The following DDX60L variants were observed in gnomAD, a reference collection of about 807,000 sequenced individuals.
DDX60L encodes the protein probable ATP-dependent RNA helicase DDX60-like.
Under a neutral mutation model 211.6 loss-of-function variants are expected in DDX60L, and 191 were observed. That is an observed-to-expected ratio of 0.90 (90% CI 0.80 to 1.02). DDX60L has a LOEUF of 1.02. Among genes scored for constraint, DDX60L ranks in the 50% least tolerant of loss-of-function variants. The probability of loss-of-function intolerance (pLI) is 0.00; values close to 1 mark genes in which losing one functional copy is unlikely to be tolerated. For missense variants in DDX60L, 2,007 were observed against 1,984.1 expected, an observed-to-expected ratio of 1.01 and a Z score of -0.22; for synonymous variants, 706 against 694.1, an observed-to-expected ratio of 1.02 and a Z score of -0.27.
chr4:168,379,993 C>T (rs1161138809), intron 30 of DDX60L, 163 bp from the exon 31 acceptor site: 1 of 503,580 alleles, frequency 2.0e-6, no homozygotes, highest in Non-Finnish European at 3.5e-6. Context: ...TGTATCTTCA[C>T]ATGGCACATG....
intron 20 of DDX60L, among the ~76,000 whole-genome samples, chr4:168,416,172 T>C (rs1404995699): frequency 2.0e-5 from 3 of 152,180 alleles, no homozygotes; most frequent in Non-Finnish European, 2.9e-5. Flanking sequence ...TTGACGTTCA[T>C]ATAATGCTTT....
chr4:168,478,114 A>C (rs1759855821), intron 1 of DDX60L, among the ~76,000 whole-genome samples: 1 of 151,974 alleles, frequency 6.6e-6, no homozygotes, highest in South Asian at 2.1e-4. Context: ...GGAAAAGAGG[A>C]GAAGAAGGAA....
rs1013354039 is a variant in DDX60L, at chr4:168,359,205, C to T, written c.4992-929G>A. ...GCAGAGTTTCAGTTTTTTACTAGTC[C>T]TCAGTGGCTGAATATTAGGAATGAT... On this transcript the variant is annotated intron_variant, in intron 37 of 37. Coordinates refer to ENST00000682922, the MANE Select transcript of DDX60L (RefSeq NM_001012967.3). 4.6e-5 allele frequency among the ~76,000 whole-genome samples: 7 copies of T among 152,270 alleles called. No individual in the cohort carries two copies. The East Asian group carries it at 1.4e-3, about 29-fold the overall frequency.
At chr4:168,358,524 C>CTTTTT (rs70961514) in intron 37 of DDX60L, among the ~76,000 whole-genome samples, 17 of 108,306 alleles carry the variant, frequency 1.6e-4, no homozygotes, top group East Asian at 2.9e-4. Flanking sequence ...TTTTCTTTTT[C>CTTTTT]TTTTTTTTTT....
chr4:168,418,121 G>A (rs1462084776), intron 19 of DDX60L, among the ~76,000 whole-genome samples: 2 of 152,188 alleles, frequency 1.3e-5, no homozygotes, highest in Non-Finnish European at 2.9e-5. Context: ...AGGCTGAAGT[G>A]CAGTGGTGTG....
At chr4:168,440,206 T>C (rs760589822) in intron 10 of DDX60L, among the ~76,000 whole-genome samples, 20 of 152,054 alleles carry the variant, frequency 1.3e-4, no homozygotes, top group African/African-American at 4.3e-4. Context: ...GCCTGGGCAA[T>C]AGAGTGAGAC....
At position 168,455,272 on chromosome 4, in the gene DDX60L, T is replaced by TTGTGTG. The variant is rs34353821; in HGVS notation, c.837+761_837+766dup. Among the ~76,000 whole-genome samples, 76 of 144,178 alleles carry TTGTGTG rather than the reference T, an allele frequency of 5.3e-4. 1 individual carries two copies. Among genetic ancestry groups the TTGTGTG allele is most frequent in the South Asian group, 1.1e-3 (5 of 4,496 alleles). The allele number at this position is 144,178 out of a possible 152,430, so 94.6% of individuals were successfully genotyped here. A position where few individuals can be genotyped will look rare whatever the true frequency, so the allele number is the denominator to read the frequency against. ...CCAATATCTAGACTGCATACAAACT[T>TTGTGTG]TGTGTGTGTGTGTGTGTGTGTGTGT... On this transcript the variant is annotated intron_variant, in intron 7 of 37. Transcript: ENST00000682922.
At chr4:168,467,926 G>T (rs919560769) in intron 4 of DDX60L, among the ~76,000 whole-genome samples, 2 of 152,148 alleles carry the variant, frequency 1.3e-5, no homozygotes, top group Non-Finnish European at 2.9e-5. Context: ...CAGCACTTTG[G>T]GAGGCTGAAG....
At chr4:168,434,835 G>A (rs1485766630) in intron 10 of DDX60L, among the ~76,000 whole-genome samples, 1 of 152,114 alleles carries the variant, frequency 6.6e-6, no homozygotes, top group African/African-American at 2.4e-5. Context: ...TCCTTAATCA[G>A]TTCCTAAACT....
At chr4:168,401,125 T>A in intron 25 of DDX60L, 147 bp from the exon 26 acceptor site, 1 of 681,040 alleles carries the variant, frequency 1.5e-6, no homozygotes, top group South Asian at 2.1e-5. Flanking sequence ...AAGACTGGTT[T>A]AAGCCCCGAT....
intron 34 of DDX60L, among the ~76,000 whole-genome samples, chr4:168,374,991 C>T (rs78318812): frequency 0.011 from 1,738 of 152,260 alleles, 37 homozygotes; most frequent in African/African-American, 0.039. Flanking sequence ...CATTTGTAAC[C>T]ACTATGCAAC....
intron 37 of DDX60L, among the ~76,000 whole-genome samples, chr4:168,358,807 C>T (rs1041283138): frequency 2.6e-5 from 4 of 152,008 alleles, no homozygotes; most frequent in African/African-American, 7.3e-5. Context: ...CGTGGGCCAC[C>T]GTGTCCGGCC....
At chr4:168,390,506 TC>T in intron 29 of DDX60L, 1 of 1,405,266 alleles carries the variant, frequency 7.1e-7, no homozygotes, top group Admixed American at 2.8e-5. Context: ...GTCTTCATAT[TC>T]CAGTCTAGGA....
intron 28 of DDX60L, among the ~76,000 whole-genome samples, chr4:168,394,182 C>T (rs1487955309): frequency 2.7e-5 from 4 of 149,686 alleles, no homozygotes; most frequent in Non-Finnish European, 5.9e-5. Context: ...GAAAACAGAG[C>T]GAGACTCGAT....
At chr4:168,442,711 C>T (rs1336052310) in intron 9 of DDX60L, among the ~76,000 whole-genome samples, 1 of 151,376 alleles carries the variant, frequency 6.6e-6, no homozygotes, top group South Asian at 2.1e-4. Flanking sequence ...TCAAGTGGGT[C>T]CCTGACCCCT....
chr4:168,372,167 G>T (rs573027672), intron 35 of DDX60L, among the ~76,000 whole-genome samples: 1 of 152,254 alleles, frequency 6.6e-6, no homozygotes, highest in East Asian at 1.9e-4. Context: ...GACCTTGAAA[G>T]GAGTGTCATG....
At chr4:168,361,277 C>T in intron 36 of DDX60L, 66 bp from the exon 37 acceptor site, 1 of 1,071,220 alleles carries the variant, frequency 9.3e-7, no homozygotes, top group Non-Finnish European at 1.4e-6. Context: ...TTAACTCAAA[C>T]TTTAATAGTG....
At chr4:168,376,684 T>C (rs1741997582) in intron 33 of DDX60L, among the ~76,000 whole-genome samples, 1 of 152,234 alleles carries the variant, frequency 6.6e-6, no homozygotes, top group South Asian at 2.1e-4. Flanking sequence ...TTCCATGTCC[T>C]GCCATTGTGC....
chr4:168,440,585 T>C (rs1753683842), intron 10 of DDX60L, among the ~76,000 whole-genome samples: 1 of 152,148 alleles, frequency 6.6e-6, no homozygotes, highest in Non-Finnish European at 1.5e-5. Flanking sequence ...CCATGTCCTC[T>C]CTGGAAAACC....
Sources: gnomAD v4.1 joint callset for allele counts (sites outside exome capture counted in the v4.1 genomes callset) on GRCh38, gnomAD v4.1.1 for gene constraint, MANE v1.5 for transcripts, NCBI Gene and HGNC (gene_info 2026-07-23, HGNC 2026-07-21) for gene names.